Variants in IARS1 observed in about 807,000 individuals in gnomAD.
IARS1 encodes isoleucine--tRNA ligase, cytoplasmic.
In IARS1, 124 loss-of-function variants were observed where a neutral mutation model predicts 168.2. The ratio of observed to expected loss-of-function variants is 0.74; its 90% CI spans 0.64 to 0.86. The LOEUF (loss-of-function observed/expected upper bound fraction) is 0.86, where lower values mean the gene tolerates loss of function less well. Ranked by LOEUF, IARS1 falls within the 40% of genes least tolerant of loss-of-function variation. The pLI, the probability that IARS1 is intolerant of heterozygous loss-of-function variation, is 0.00. For missense variants in IARS1, 1,452 were observed against 1,515.8 expected (o/e 0.96, Z 0.70); for synonymous variants, 532 against 529.4 (o/e 1.00, Z -0.07).
At chr9:92,212,165 T>C (rs1837866074) in intron 33 of IARS1, among the ~76,000 whole-genome samples, 2 of 152,154 alleles carry the variant, frequency 1.3e-5, no homozygotes, top group African/African-American at 4.8e-5. Flanking sequence ...CTGGAGATGA[T>C]GTTTAGAGTT....
At chr9:92,211,620 C>G (rs1176126812) in intron 33 of IARS1, among the ~76,000 whole-genome samples, 1 of 152,128 alleles carries the variant, frequency 6.6e-6, no homozygotes, top group Non-Finnish European at 1.5e-5. Flanking sequence ...ACTATGCCAT[C>G]ACTTCACAGT....
intron 33 of IARS1, among the ~76,000 whole-genome samples, chr9:92,214,755 T>C (rs1334896903): frequency 6.6e-6 from 1 of 152,210 alleles, no homozygotes; most frequent in African/African-American, 2.4e-5. Context: ...ACCCCGCACC[T>C]AGCTCGGAGG....
At chr9:92,272,996 A>C (rs993468816) in intron 10 of IARS1, among the ~76,000 whole-genome samples, 1 of 151,644 alleles carries the variant, frequency 6.6e-6, no homozygotes, top group African/African-American at 2.4e-5. Context: ...AGTTAATGAC[A>C]AACACCCACA....
intron 30 of IARS1, among the ~76,000 whole-genome samples, chr9:92,229,561 G>A (rs951996849): frequency 2.6e-5 from 4 of 152,180 alleles, no homozygotes; most frequent in South Asian, 2.1e-4. Context: ...CACAGGTCAC[G>A]ATGGTTAAAA....
chr9:92,284,131 C>G (rs867529062), intron 6 of IARS1, among the ~76,000 whole-genome samples: 1 of 152,154 alleles, frequency 6.6e-6, no homozygotes, highest in Non-Finnish European at 1.5e-5. Context: ...TAGCCGAGAT[C>G]GTGCCACTGC....
At chr9:92,283,909 A>G (rs1835033939) in intron 6 of IARS1, among the ~76,000 whole-genome samples, 1 of 152,202 alleles carries the variant, frequency 6.6e-6, no homozygotes, top group Non-Finnish European at 1.5e-5. Context: ...GGCTAGGTGC[A>G]GTGGCTGACA....
intron 20 of IARS1, 84 bp from the exon 21 acceptor site, chr9:92,253,537 G>A: frequency 1.2e-6 from 1 of 822,882 alleles, no homozygotes; most frequent in Non-Finnish European, 2.1e-6. Flanking sequence ...ACAAAGAAGG[G>A]GCAGCTCCTT....
chr9:92,222,705 C>A, intron 32 of IARS1, 33 bp from the exon 33 acceptor site: 1 of 1,610,744 alleles, frequency 6.2e-7, no homozygotes, highest in Non-Finnish European at 8.5e-7. Context: ...GATTAAATCT[C>A]GAGAGTTCAC....
intron 10 of IARS1, among the ~76,000 whole-genome samples, chr9:92,273,029 G>T: frequency 6.6e-6 from 1 of 151,600 alleles, no homozygotes; most frequent in East Asian, 1.9e-4. Flanking sequence ...AACCTCAGGA[G>T]GCTGAGGCAG....
chr9:92,223,552 A>AT, intron 31 of IARS1, 63 bp from the exon 32 acceptor site: 4 of 1,332,180 alleles, frequency 3.0e-6, no homozygotes, highest in Non-Finnish European at 4.2e-6. Context: ...AAGTCATTCA[A>AT]TTTTTCCTAT....
chr9:92,213,193 C>T (rs1838055825), intron 33 of IARS1, among the ~76,000 whole-genome samples: 1 of 151,936 alleles, frequency 6.6e-6, no homozygotes, highest in Admixed American at 6.6e-5. Flanking sequence ...TAATGACTCC[C>T]ATGGGGTCTG....
In IARS1 at chr9:92,274,460, G is replaced by A. The variant is rs138662050; in HGVS notation, c.956C>T (p.Thr319Ile). ...GTAAGGAGCTTGGTGGACAACCCCT[G>A]TGCCTTCTTCTTCCTTCACATAGTT... ...VDNYVKEEEG[T>I]GVVHQAPYFG... Residue 319 changes from threonine to isoleucine, a missense_variant, in exon 10 of 34, where the codon ACA (threonine) becomes ATA (isoleucine). Coordinates refer to ENST00000443024, the MANE Select transcript of IARS1 (RefSeq NM_002161.6). The A allele has an allele frequency of 2.2e-4, 358 of 1,613,878 alleles. 1 individual carries two copies. The highest frequency in any genetic ancestry group is 8.5e-6 in the Non-Finnish European group (10 of 1,179,836).
chr9:92,238,249 T>C (rs956762273), intron 30 of IARS1, among the ~76,000 whole-genome samples: 3 of 152,244 alleles, frequency 2.0e-5, no homozygotes, highest in South Asian at 2.1e-4. Context: ...GTTACTGATA[T>C]AGTTTGGATA....
chr9:92,246,866 A>G (rs1288891008), intron 26 of IARS1, among the ~76,000 whole-genome samples: 1 of 152,226 alleles, frequency 6.6e-6, no homozygotes, highest in African/African-American at 2.4e-5. Flanking sequence ...ATTTATAATA[A>G]ACATTTTTAT....
chr9:92,253,523 T>C, intron 20 of IARS1, 70 bp from the exon 21 acceptor site: 1 of 972,734 alleles, frequency 1.0e-6, no homozygotes, highest in Non-Finnish European at 1.6e-6. Context: ...GAGGGTTGGA[T>C]ACAACAAAGA....
At position 92,277,577 on chromosome 9, in the gene IARS1, G is replaced by A. The variant is rs149450314; in HGVS notation, c.894+286C>T. 3.3e-3 allele frequency among the ~76,000 whole-genome samples: 504 copies of A among 152,008 alleles called. 4 individuals are homozygous for A. Among genetic ancestry groups the A allele is most frequent in the Middle Eastern group, 0.017 (5 of 294 alleles). ...CCAGTAGTCCCAGCTACTCGGGATG[G>A]GGCAGGGGAATCACTTGAGCCCAAG... On this transcript the variant is annotated intron_variant, in intron 9 of 33. Coordinates refer to ENST00000443024, the MANE Select transcript of IARS1 (RefSeq NM_002161.6).
chr9:92,252,890 G>A (rs1415175264), intron 21 of IARS1, among the ~76,000 whole-genome samples: 2 of 149,214 alleles, frequency 1.3e-5, no homozygotes, highest in African/African-American at 5.0e-5. Flanking sequence ...TATGTACCTG[G>A]CTTAAGTCCT....
chr9:92,279,480 T>C (rs901377636), intron 7 of IARS1, among the ~76,000 whole-genome samples: 3 of 152,186 alleles, frequency 2.0e-5, no homozygotes, highest in Non-Finnish European at 2.9e-5. Context: ...CCAGGCCTCT[T>C]TGTGGCCAAC....
Position 92,229,100 on chromosome 9 carries a change from T to G in IARS1, c.3310A>C (p.Lys1104Gln), listed in dbSNP as rs1360710611. The change falls in exon 31 of 34, where the codon AAA (lysine) becomes CAA (glutamine). Residue 1104 changes from lysine to glutamine, a missense_variant. Transcript: ENST00000443024. ...QGGVLLLENPKGDNRLDLLKL... is the reference protein window; with the variant it reads ...QGGVLLLENPQGDNRLDLLKL... ...AAAAGGTCCAACCTATTGTCACCTT[T>G]TGGATTTTCCAGGAGCAATACTCCA... 2 of 1,613,866 alleles carry G rather than the reference T, an allele frequency of 1.2e-6. No individual in the cohort carries two copies. Among genetic ancestry groups the G allele is most frequent in the Non-Finnish European group, 1.7e-6 (2 of 1,179,982 alleles).
Sources: gnomAD v4.1 joint callset for allele counts (sites outside exome capture counted in the v4.1 genomes callset) on GRCh38, gnomAD v4.1.1 for gene constraint, MANE v1.5 for transcripts, NCBI Gene and HGNC (gene_info 2026-07-23, HGNC 2026-07-21) for gene names.